Variants in TMIGD3 observed in about 807,000 individuals in gnomAD.
TMIGD3 encodes the protein transmembrane and immunoglobulin domain containing 3, also known as AD026 protein (AD026).
Under a neutral mutation model 28.1 loss-of-function variants are expected in TMIGD3, and 21 were observed. That is an observed-to-expected ratio of 0.75 (90% CI 0.53 to 1.08). The LOEUF is 1.08. TMIGD3 is among the 50% of genes least tolerant of loss of function. TMIGD3 has a pLI of 0.00. For synonymous variants in TMIGD3, 151 were observed against 162.1 expected (o/e 0.93, Z 0.52); for missense variants, 416 against 435.6 (o/e 0.96, Z 0.40).
chr1:111,519,368 C>T lies in TMIGD3; in HGVS notation c.108-28606G>A, dbSNP rs138241793. On this transcript the variant is annotated intron_variant, in intron 1 of 5. Coordinates refer to the TMIGD3 transcript ENST00000369717. Reference sequence around the variant, plus strand: ...AGATCATGGTCTTGGGAAATAATGGCAGCACTTTGTGTTTCTTATCTTCAG... The same window carrying T: ...AGATCATGGTCTTGGGAAATAATGGTAGCACTTTGTGTTTCTTATCTTCAG... 2.0e-5 allele frequency among the ~76,000 whole-genome samples: 3 copies of T among 152,298 alleles called. No homozygotes were observed. In the East Asian group the frequency reaches 5.8e-4, roughly 29 times the overall value.
chr1:111,535,413 T>G (rs560704794), intron 1 of TMIGD3, among the ~76,000 whole-genome samples: 12 of 152,346 alleles, frequency 7.9e-5, no homozygotes, highest in Non-Finnish European at 1.8e-4. Flanking sequence ...TCTGATTAGA[T>G]GCTGTAAGCA....
At chr1:111,544,038 A>G (rs1656947314) in intron 1 of TMIGD3, among the ~76,000 whole-genome samples, 1 of 152,238 alleles carries the variant, frequency 6.6e-6, no homozygotes, top group African/African-American at 2.4e-5. Flanking sequence ...GTTTCCAATC[A>G]AATGTATAGC....
chr1:111,486,054 C>T (rs560884803), intron 4 of TMIGD3, among the ~76,000 whole-genome samples: 1 of 152,288 alleles, frequency 6.6e-6, no homozygotes, highest in Non-Finnish European at 1.5e-5. Flanking sequence ...CCAATGAACC[C>T]CTTCCTCAGA....
At chr1:111,525,009 G>T (rs1656216689) in intron 1 of TMIGD3, among the ~76,000 whole-genome samples, 1 of 152,150 alleles carries the variant, frequency 6.6e-6, no homozygotes, top group African/African-American at 2.4e-5. Flanking sequence ...CTGTTATCTT[G>T]TTATTATTGA....
intron 1 of TMIGD3, among the ~76,000 whole-genome samples, chr1:111,497,535 C>T (rs902638775): frequency 5.3e-5 from 8 of 152,112 alleles, no homozygotes; most frequent in South Asian, 2.1e-4. Flanking sequence ...TTTCACTGTA[C>T]GGACTCCTGG....
intron 1 of TMIGD3, among the ~76,000 whole-genome samples, chr1:111,532,935 T>C: frequency 6.6e-6 from 1 of 152,206 alleles, no homozygotes; most frequent in Non-Finnish European, 1.5e-5. Context: ...GTCCCACTAG[T>C]GTGGTTGCGG....
intron 5 of TMIGD3, 162 bp downstream of exon 5, chr1:111,485,578 C>A (rs1654322806): frequency 1.7e-6 from 1 of 575,200 alleles, no homozygotes; most frequent in Non-Finnish European, 3.1e-6. Flanking sequence ...TGCCTTGTCA[C>A]CATCAAGCAG....
chr1:111,524,092 C>T (rs1229637942), intron 1 of TMIGD3, among the ~76,000 whole-genome samples: 47 of 143,198 alleles, frequency 3.3e-4, no homozygotes, highest in African/African-American at 7.8e-4. Context: ...TGCAGTGGCG[C>T]GATCTCGGCT....
chr1:111,546,110 A>T (rs1657025978), intron 1 of TMIGD3, among the ~76,000 whole-genome samples: 1 of 152,106 alleles, frequency 6.6e-6, no homozygotes, highest in Non-Finnish European at 1.5e-5. Context: ...GGTCTCTTGC[A>T]TTTCCACATG....
At chr1:111,540,172 A>G (rs773313309) in intron 1 of TMIGD3, among the ~76,000 whole-genome samples, 14 of 152,260 alleles carry the variant, frequency 9.2e-5, no homozygotes, top group Non-Finnish European at 2.1e-4. Context: ...TATTTCCCAG[A>G]CTGCTCTTCC....
At chr1:111,529,106 T>C (rs1656365294) in intron 1 of TMIGD3, among the ~76,000 whole-genome samples, 1 of 151,588 alleles carries the variant, frequency 6.6e-6, no homozygotes, top group South Asian at 2.1e-4. Flanking sequence ...TATTTTTTAT[T>C]TTTTTTATTT....
At chr1:111,484,645 A>G (rs537326797) in intron 5 of TMIGD3, among the ~76,000 whole-genome samples, 5 of 152,304 alleles carry the variant, frequency 3.3e-5, no homozygotes, top group African/African-American at 1.2e-4. Flanking sequence ...TATCCCAGGG[A>G]AAGTATGAGG....
At chr1:111,502,192 T>C (rs1285218335) in intron 1 of TMIGD3, among the ~76,000 whole-genome samples, 16 of 22,132 alleles carry the variant, frequency 7.2e-4, no homozygotes, top group African/African-American at 1.8e-3. Context: ...AGGATATATA[T>C]ATTATAATAA....
rs547665081 is a variant in TMIGD3 at position 111,530,647 on chromosome 1, T to C, written c.107+33199A>G. Among the ~76,000 whole-genome samples the C allele has an allele frequency of 2.0e-5, 3 of 152,336 alleles. No individual in the cohort carries two copies. The South Asian group carries it at 6.2e-4, about 32-fold the overall frequency. The stretch of plus-strand genomic sequence containing the variant: ...CCTTAAAGATGTTGTTCCACAGTCT[T>C]CTGGTTTACATTGTTTCTGACATGA... On this transcript the variant is annotated intron_variant, in intron 1 of 5. Coordinates refer to the TMIGD3 transcript ENST00000369717.
At chr1:111,510,058 T>G (rs1395947377) in intron 1 of TMIGD3, among the ~76,000 whole-genome samples, 1 of 152,208 alleles carries the variant, frequency 6.6e-6, no homozygotes, top group Non-Finnish European at 1.5e-5. Context: ...TTCTTCAGTA[T>G]CCTAATGGGT....
At chr1:111,510,189 A>G (rs114801498) in intron 1 of TMIGD3, among the ~76,000 whole-genome samples, 1,753 of 152,304 alleles carry the variant, frequency 0.012, 24 homozygotes, top group African/African-American at 0.04. Context: ...GAGAGCAGCC[A>G]ACAGGCCCTT....
At chr1:111,496,035 A>C (rs1448179821) in intron 1 of TMIGD3, among the ~76,000 whole-genome samples, 1 of 152,234 alleles carries the variant, frequency 6.6e-6, no homozygotes, top group Non-Finnish European at 1.5e-5. Context: ...GTAGAGGAGC[A>C]GAAAAAAATA....
intron 1 of TMIGD3, chr1:111,499,675 G>T: frequency 8.2e-7 from 1 of 1,217,208 alleles, no homozygotes; most frequent in Admixed American, 3.8e-5. Flanking sequence ...TTCTTCTATT[G>T]GGAAGAAGGA....
At chr1:111,514,668 A>ACG (rs71099912) in intron 1 of TMIGD3, among the ~76,000 whole-genome samples, 11 of 150,308 alleles carry the variant, frequency 7.3e-5, no homozygotes, top group Non-Finnish European at 1.2e-4. Context: ...ACACACACAC[A>ACG]TCATACCATG....
Sources: allele counts gnomAD v4.1 joint callset (sites outside exome capture counted in the v4.1 genomes callset), GRCh38; gene constraint gnomAD v4.1.1; transcripts MANE v1.5; gene names NCBI Gene and HGNC (gene_info 2026-07-23, HGNC 2026-07-21).